CIST1: variants seen among roughly 807,000 people sequenced by gnomAD.
CIST1 encodes uncharacterized LOC729966.
chr19:18,252,061 C>T, the CIST1 span: 1 of 398,798 alleles, frequency 2.5e-6, no homozygotes, highest in Non-Finnish European at 4.4e-6. Context: ...TCTTAATACT[C>T]ACCTGGGCCA....
chr19:18,255,060 C>T, the CIST1 span, among the ~76,000 whole-genome samples: 2 of 152,214 alleles, frequency 1.3e-5, no homozygotes, highest in Non-Finnish European at 2.9e-5. The surrounding 1 kb of genome is among the most constrained non-coding windows in gnomAD (Gnocchi z 4.6). Flanking sequence ...CTCACAGCTG[C>T]TCCGTTTGTT....
the CIST1 span, among the ~76,000 whole-genome samples, chr19:18,253,561 A>C: frequency 1.8e-5 from 1 of 56,918 alleles, no homozygotes; most frequent in African/African-American, 8.0e-5. Flanking sequence ...AAAAAAAAAA[A>C]AAACACACAC....
the CIST1 span, chr19:18,250,016 G>C: frequency 7.5e-6 from 3 of 398,054 alleles, no homozygotes; most frequent in Non-Finnish European, 8.8e-6. Flanking sequence ...TCCATAACTC[G>C]TGTTTTCACA....
chr19:18,255,170 AC>A, the CIST1 span: 4 of 384,544 alleles, frequency 1.0e-5, no homozygotes, highest in African/African-American at 8.6e-5. The surrounding 1 kb of genome is among the most constrained non-coding windows in gnomAD (Gnocchi z 4.6). Flanking sequence ...TGCGTCCCCC[AC>A]CCCCACCCTT....
the CIST1 span, among the ~76,000 whole-genome samples, chr19:18,253,459 G>A: frequency 4.6e-5 from 7 of 152,114 alleles, no homozygotes; most frequent in African/African-American, 1.4e-4. Context: ...GCTGAGGTGG[G>A]AGGATCGCTT....
At chr19:18,254,040 C>G in the CIST1 span, among the ~76,000 whole-genome samples, 1 of 152,336 alleles carries the variant, frequency 6.6e-6, no homozygotes, top group Admixed American at 6.5e-5. Flanking sequence ...CCACATGCCA[C>G]CCTCCCCAGA....
the CIST1 span, chr19:18,250,002 C>T: frequency 5.0e-6 from 2 of 397,780 alleles, no homozygotes; most frequent in Non-Finnish European, 4.4e-6. Context: ...TGTTTTCACA[C>T]GAGTCCATAA....
the CIST1 span, among the ~76,000 whole-genome samples, chr19:18,252,807 G>A: frequency 6.6e-6 from 1 of 152,122 alleles, no homozygotes; most frequent in South Asian, 2.1e-4. Context: ...TAGTTTCACT[G>A]TGCTGGCCAG....
the CIST1 span, among the ~76,000 whole-genome samples, chr19:18,252,654 G>C: frequency 4.7e-5 from 7 of 149,884 alleles, no homozygotes; most frequent in African/African-American, 1.7e-4. Flanking sequence ...GTCTCGCTCT[G>C]TCACCCAGGC....
the CIST1 span, among the ~76,000 whole-genome samples, chr19:18,251,769 G>A: frequency 7.4e-6 from 1 of 135,602 alleles, no homozygotes; most frequent in Non-Finnish European, 1.6e-5. Context: ...AGATTTTTTT[G>A]TAGAGACAAA....
chr19:18,251,907 T>G, the CIST1 span, among the ~76,000 whole-genome samples: 1 of 151,730 alleles, frequency 6.6e-6, no homozygotes, highest in Non-Finnish European at 1.5e-5. Flanking sequence ...ACTTAATAAA[T>G]GCGCATAGCA....
At chr19:18,252,443 C>G in the CIST1 span, 1 of 398,998 alleles carries the variant, frequency 2.5e-6, no homozygotes, top group Non-Finnish European at 4.4e-6. Context: ...CAGGTGATGT[C>G]TCCATACTGT....
the CIST1 span, chr19:18,250,312 C>A: frequency 1.5e-5 from 6 of 399,030 alleles, no homozygotes; most frequent in Non-Finnish European, 2.2e-5. Context: ...CCTACCTTAC[C>A]ATGGACACCT....
the CIST1 span, among the ~76,000 whole-genome samples, chr19:18,251,744 C>T: frequency 1.6e-5 from 2 of 123,096 alleles, no homozygotes; most frequent in Non-Finnish European, 3.5e-5. Context: ...TGAGCCACCG[C>T]GCCCCGCCAT....
chr19:18,251,515 A>G, the CIST1 span, among the ~76,000 whole-genome samples: 1 of 151,032 alleles, frequency 6.6e-6, no homozygotes, highest in Non-Finnish European at 1.5e-5. Context: ...GCTCACTGCA[A>G]CCTCTGCCGC....
chr19:18,250,370 G>A, the CIST1 span: 1 of 399,044 alleles, frequency 2.5e-6, no homozygotes, highest in African/African-American at 2.1e-5. Context: ...GAATCTCACA[G>A]CCATGACCAC....
the CIST1 span, chr19:18,252,475 G>T: frequency 2.6e-6 from 1 of 387,410 alleles, no homozygotes; most frequent in South Asian, 1.3e-4. Flanking sequence ...ACAATATCTG[G>T]AAAGAAAAAC....
chr19:18,252,786 T>G, the CIST1 span, among the ~76,000 whole-genome samples: 1 of 152,060 alleles, frequency 6.6e-6, no homozygotes, highest in Non-Finnish European at 1.5e-5. Flanking sequence ...CCTGGCTAAT[T>G]TTTGCATTTT....
At chr19:18,251,828 C>T in the CIST1 span, among the ~76,000 whole-genome samples, 4 of 151,924 alleles carry the variant, frequency 2.6e-5, no homozygotes, top group African/African-American at 9.7e-5. Flanking sequence ...AACCTGTCTC[C>T]CCACCACAGC....
Sources: allele counts gnomAD v4.1 joint callset (sites outside exome capture counted in the v4.1 genomes callset), GRCh38; gene constraint gnomAD v4.1.1; non-coding constraint Gnocchi (gnomAD v3.1); transcripts MANE v1.5; gene names NCBI Gene and HGNC (gene_info 2026-07-23, HGNC 2026-07-21).